Variants in CTNNA3 observed in about 807,000 individuals in gnomAD.
The protein encoded by CTNNA3 is catenin alpha-3.
CTNNA3 carries 76 observed loss-of-function variants against 95.7 expected under a neutral mutation model. That is an observed-to-expected ratio of 0.79 (90% CI 0.66 to 0.96). The LOEUF is 0.96. CTNNA3 is among the 40% of genes least tolerant of loss of function. CTNNA3 has a pLI of 0.00. For missense variants in CTNNA3, 1,191 were observed against 1,089.8 expected (o/e 1.09, Z -1.31); for synonymous variants, 431 against 374.4 (o/e 1.15, Z -1.74).
chr10:67,435,098 C>T (rs972144411), intron 5 of CTNNA3, among the ~76,000 whole-genome samples: 1 of 151,964 alleles, frequency 6.6e-6, no homozygotes, highest in African/African-American at 2.4e-5. Flanking sequence ...ATGTTCCTAG[C>T]TTTTTCTTTC....
At chr10:66,682,707 A>G (rs912524768) in intron 9 of CTNNA3, among the ~76,000 whole-genome samples, 1 of 149,914 alleles carries the variant, frequency 6.7e-6, no homozygotes, top group African/African-American at 2.5e-5. Context: ...CAGGGGGTAC[A>G]TGTACAGGTT....
At chr10:66,893,897 A>G (rs993902583) in intron 7 of CTNNA3, among the ~76,000 whole-genome samples, 9 of 152,148 alleles carry the variant, frequency 5.9e-5, no homozygotes, top group African/African-American at 2.2e-4. Context: ...CAATAGCAGC[A>G]CAATTTTTCT....
intron 7 of CTNNA3, among the ~76,000 whole-genome samples, chr10:66,869,174 T>A: frequency 6.6e-6 from 1 of 152,180 alleles, no homozygotes; most frequent in East Asian, 1.9e-4. Context: ...AAAAACACTA[T>A]ATAATTATGG....
chr10:66,227,432 A>G (rs916412021), intron 13 of CTNNA3, among the ~76,000 whole-genome samples: 3 of 147,712 alleles, frequency 2.0e-5, no homozygotes, highest in Non-Finnish European at 3.0e-5. Context: ...TTCTGCCACT[A>G]TTGAGGTGAT....
At chr10:66,384,313 C>A (rs952947744) in intron 11 of CTNNA3, among the ~76,000 whole-genome samples, 2 of 152,068 alleles carry the variant, frequency 1.3e-5, no homozygotes, top group Non-Finnish European at 2.9e-5. Flanking sequence ...TCTGATAAAA[C>A]ACACTTTAAA....
chr10:67,530,191 G>A (rs914772834), intron 4 of CTNNA3, among the ~76,000 whole-genome samples: 17 of 152,310 alleles, frequency 1.1e-4, no homozygotes, highest in African/African-American at 3.8e-4. Context: ...TACCAGTAGA[G>A]TGGGGTGCTG....
chr10:66,875,215 T>C (rs940348053), intron 7 of CTNNA3, among the ~76,000 whole-genome samples: 1 of 151,722 alleles, frequency 6.6e-6, no homozygotes, highest in Non-Finnish European at 1.5e-5. Flanking sequence ...GGAGAACAAA[T>C]AGGAGAGGAG....
intron 10 of CTNNA3, among the ~76,000 whole-genome samples, chr10:66,529,458 T>TTC (rs1564514322): frequency 8.0e-5 from 12 of 150,898 alleles, no homozygotes; most frequent in Non-Finnish European, 8.8e-5. Flanking sequence ...TTGTTTTTTT[T>TTC]TTTTAATAAA....
chr10:67,291,574 G>A (rs892309336), intron 5 of CTNNA3, among the ~76,000 whole-genome samples: 1 of 152,040 alleles, frequency 6.6e-6, no homozygotes, highest in Non-Finnish European at 1.5e-5. Flanking sequence ...CTACCATTGT[G>A]AGCACCCAAA....
intron 5 of CTNNA3, among the ~76,000 whole-genome samples, chr10:67,416,734 A>AAACC (rs1399522138): frequency 1.3e-5 from 2 of 152,166 alleles, no homozygotes; most frequent in African/African-American, 4.8e-5. Context: ...ATGCAAGTCA[A>AAACC]AACCACAATG....
intron 6 of CTNNA3, among the ~76,000 whole-genome samples, chr10:67,198,962 C>A (rs952429963): frequency 2.7e-5 from 4 of 150,562 alleles, no homozygotes; most frequent in African/African-American, 9.8e-5. Context: ...GGAACAAGAA[C>A]ATGTGCAATA....
At chr10:66,957,908 A>G (rs536978101) in intron 7 of CTNNA3, among the ~76,000 whole-genome samples, 1 of 152,168 alleles carries the variant, frequency 6.6e-6, no homozygotes, top group African/African-American at 2.4e-5. Context: ...ACTTACGCAT[A>G]TGAACCCTAC....
At chr10:67,483,688 G>T (rs1335369402) in intron 5 of CTNNA3, among the ~76,000 whole-genome samples, 4 of 149,870 alleles carry the variant, frequency 2.7e-5, no homozygotes, top group Non-Finnish European at 4.4e-5. Context: ...CAGCACACCA[G>T]CATGGCACAT....
chr10:66,495,372 A>C (rs1424323392), intron 11 of CTNNA3, among the ~76,000 whole-genome samples: 1 of 152,200 alleles, frequency 6.6e-6, no homozygotes, highest in Non-Finnish European at 1.5e-5. Context: ...TAAAGATCAC[A>C]TATAGCCATA....
chr10:67,562,854 CAGAG>C (rs1174002863), intron 3 of CTNNA3, among the ~76,000 whole-genome samples: 1 of 152,020 alleles, frequency 6.6e-6, no homozygotes, highest in Non-Finnish European at 1.5e-5. Context: ...AACAGACAAA[CAGAG>C]AGCCAAATCA....
intron 11 of CTNNA3, among the ~76,000 whole-genome samples, chr10:66,449,410 C>T (rs2093447445): frequency 6.6e-6 from 1 of 152,044 alleles, no homozygotes; most frequent in Non-Finnish European, 1.5e-5. Context: ...GTGCTGGATC[C>T]TTTACAGACA....
At chr10:67,530,928 G>A (rs143898042) in intron 4 of CTNNA3, among the ~76,000 whole-genome samples, 178 of 152,324 alleles carry the variant, frequency 1.2e-3, no homozygotes, top group African/African-American at 3.9e-3. Flanking sequence ...GGCCAATGTC[G>A]AGCTTGGGCT....
chr10:67,496,801 T>C (rs1189201326), intron 5 of CTNNA3, among the ~76,000 whole-genome samples: 1 of 152,204 alleles, frequency 6.6e-6, no homozygotes, highest in Non-Finnish European at 1.5e-5. Flanking sequence ...ATAAGCCATA[T>C]ATAATATCTG....
intron 15 of CTNNA3, among the ~76,000 whole-genome samples, chr10:66,000,632 A>G (rs2078752762): frequency 1.3e-5 from 2 of 152,124 alleles, no homozygotes; most frequent in Admixed American, 6.5e-5. Context: ...CCCATAACAT[A>G]GCGGTTGATT....
Sources: gnomAD v4.1 joint callset for allele counts (sites outside exome capture counted in the v4.1 genomes callset) on GRCh38, gnomAD v4.1.1 for gene constraint, MANE v1.5 for transcripts, NCBI Gene and HGNC (gene_info 2026-07-23, HGNC 2026-07-21) for gene names.